The following DNAH8 variants were observed in gnomAD, a reference collection of about 807,000 sequenced individuals.
DNAH8 encodes axonemal beta dynein heavy chain 8.
In DNAH8, 382 loss-of-function variants were observed where a neutral mutation model predicts 562.1. That is an observed-to-expected ratio of 0.68 (90% confidence interval 0.63 to 0.74). The LOEUF (loss-of-function observed/expected upper bound fraction) is 0.74. Among genes scored for constraint, DNAH8 ranks in the 30% least tolerant of loss-of-function variants. DNAH8 has a pLI of 0.00. For missense variants in DNAH8, 5,203 were observed against 5,620.4 expected (o/e 0.93, Z 2.37); for synonymous variants, 1,881 against 1,919.4 (o/e 0.98, Z 0.52).
intron 82 of DNAH8, among the ~76,000 whole-genome samples, chr6:38,953,821 G>A (rs1762076203): frequency 6.6e-6 from 1 of 151,688 alleles, no homozygotes; most frequent in Non-Finnish European, 1.5e-5. Flanking sequence ...GAATGTGACT[G>A]GAAATCTTGA....
chr6:38,898,417 G>T, intron 61 of DNAH8, 37 bp downstream of exon 61: 1 of 1,483,634 alleles, frequency 6.7e-7, no homozygotes, highest in South Asian at 1.4e-5. Flanking sequence ...ATAAATAGAT[G>T]ATTTAAAAGC....
chr6:38,872,617 C>G lies in DNAH8; in HGVS notation c.7072C>G (p.Leu2358Val), dbSNP rs766688342. 6.2e-7 allele frequency: 1 copy of G among 1,614,052 alleles called. No homozygotes were observed. The highest frequency in any genetic ancestry group is 1.7e-5 in the Admixed American group (1 of 60,014). The change falls in exon 50 of 93, where the codon CTA (leucine) becomes GTA (valine). Residue 2358 changes from leucine (L) to valine (V), a missense_variant. Coordinates refer to ENST00000327475, the MANE Select transcript of DNAH8 (RefSeq NM_001206927.2). ...TGGAAAGACAACCGTTATCACGATT[C>G]TAATGAAGGCGCAAACAGAATGCGG... ...GSGKTTVITI[L>V]MKAQTECGRP...
At chr6:38,939,978 T>C (rs1783305525) in intron 79 of DNAH8, among the ~76,000 whole-genome samples, 1 of 152,138 alleles carries the variant, frequency 6.6e-6, no homozygotes, top group South Asian at 2.1e-4. Context: ...AAGGTGGATA[T>C]GGAGGCATAC....
rs75177549 is a variant in DNAH8, at chr6:38,720,110, C to T, written c.-34-2666C>T. On this transcript the variant is annotated intron_variant, in intron 1 of 92. Coordinates refer to ENST00000327475, the MANE Select transcript of DNAH8 (RefSeq NM_001206927.2). Reference sequence around the variant, plus strand: ...CTGGCACCAGGCAAATGGAAAATTTCTCCCAGTCTTACGGTTTCTCTAATG... The same window carrying T: ...CTGGCACCAGGCAAATGGAAAATTTTTCCCAGTCTTACGGTTTCTCTAATG... 7.1e-3 allele frequency among the ~76,000 whole-genome samples: 1,088 copies of T among 152,250 alleles called. 18 individuals carry two copies. Among genetic ancestry groups the T allele is most frequent in the South Asian group, 0.061 (294 of 4,814 alleles).
intron 91 of DNAH8, 135 bp downstream of exon 91, chr6:39,012,772 C>T (rs552915395): frequency 9.6e-5 from 61 of 637,960 alleles, no homozygotes; most frequent in South Asian, 3.3e-4. Flanking sequence ...CATTCAAAGG[C>T]GAAAGAACAC....
intron 1 of DNAH8, among the ~76,000 whole-genome samples, chr6:38,715,957 TATA>T (rs1315391947): frequency 0.029 from 847 of 29,032 alleles, 30 homozygotes; most frequent in Non-Finnish European, 0.046. Context: ...TATATATATA[TATA>T]TTTTTTTTTT....
intron 91 of DNAH8, among the ~76,000 whole-genome samples, chr6:39,017,982 T>G (rs1228372828): frequency 2.6e-5 from 4 of 152,200 alleles, no homozygotes; most frequent in African/African-American, 9.6e-5. Context: ...TCTAATCTAA[T>G]AGCAATTCTA....
chr6:38,895,687 C>T (rs1319286393), intron 59 of DNAH8, among the ~76,000 whole-genome samples: 3 of 152,120 alleles, frequency 2.0e-5, no homozygotes, highest in Non-Finnish European at 4.4e-5. Flanking sequence ...TCCTCTCTTC[C>T]CTCTGTTATA....
At chr6:38,960,774 A>C (rs1762556462) in intron 82 of DNAH8, among the ~76,000 whole-genome samples, 1 of 152,026 alleles carries the variant, frequency 6.6e-6, no homozygotes. Context: ...TACATATCCA[A>C]AAGAGGTGCA....
In DNAH8 at chr6:38,875,712, TAGAA is replaced by T; in HGVS notation, c.7745_7748del (p.Glu2582AlafsTer76). On this transcript the variant is annotated frameshift_variant, in exon 53 of 93. Coordinates refer to ENST00000327475, the MANE Select transcript of DNAH8 (RefSeq NM_001206927.2). LOFTEE classifies it high-confidence loss of function. ...TGGAGTTTAGGAGCCCTTCTGGAAT[TAGAA>T]AGCAGAGAAAAGCTTGAAGCCTTCT... The T allele has an allele frequency of 6.2e-7, 1 of 1,613,988 alleles. No homozygotes were observed. Among genetic ancestry groups the T allele is most frequent in the Non-Finnish European group, 8.5e-7 (1 of 1,179,934 alleles).
chr6:38,860,823 A>G (rs1350966847), intron 43 of DNAH8, among the ~76,000 whole-genome samples, 194 bp downstream of exon 43: 5 of 152,232 alleles, frequency 3.3e-5, no homozygotes, highest in Non-Finnish European at 5.9e-5. Flanking sequence ...GTAGAAAAAG[A>G]TAAAAGAATA....
At chr6:38,822,216 CT>C (rs35458703) in intron 26 of DNAH8, 74,999 of 151,846 alleles carry the variant, frequency 0.49, 19,487 homozygotes, top group East Asian at 0.69. Context: ...GTGGATCTGC[CT>C]AGTTTTCAAT....
intron 41 of DNAH8, 85 bp from the exon 42 acceptor site, chr6:38,857,433 A>T: frequency 4.8e-6 from 4 of 833,920 alleles, no homozygotes; most frequent in Non-Finnish European, 7.7e-6. Flanking sequence ...TTTAGTTTAA[A>T]ATGTGAATAA....
chr6:38,966,842 G>A (rs192710357), intron 82 of DNAH8, among the ~76,000 whole-genome samples: 5 of 152,290 alleles, frequency 3.3e-5, no homozygotes, highest in Non-Finnish European at 5.9e-5. Context: ...TCTGGAGGCT[G>A]AGAGTCCAAG....
At chr6:38,864,110 C>A in intron 45 of DNAH8, 50 bp downstream of exon 45, 1 of 1,542,104 alleles carries the variant, frequency 6.5e-7, no homozygotes, top group Non-Finnish European at 8.8e-7. Context: ...TTGTTACAGA[C>A]ATAAATAAAA....
At chr6:38,853,101 A>C in intron 40 of DNAH8, 85 bp from the exon 41 acceptor site, 2 of 1,001,336 alleles carry the variant, frequency 2.0e-6, no homozygotes, top group South Asian at 1.6e-5. Flanking sequence ...GGCATAGGGC[A>C]CTATGATTTA....
chr6:38,894,400 G>T (rs1022170377), intron 58 of DNAH8, among the ~76,000 whole-genome samples: 1 of 152,292 alleles, frequency 6.6e-6, no homozygotes, highest in Non-Finnish European at 1.5e-5. Flanking sequence ...TAGTCCTTAA[G>T]AATTCAGGGG....
rs2448401 is a variant in DNAH8 at position 38,761,682 on chromosome 6, T to A, written c.1516-20T>A. 1.6e-6 allele frequency: 2 copies of A among 1,256,898 alleles called. No homozygotes were observed. Among genetic ancestry groups the A allele is most frequent in the Admixed American group, 5.0e-5 (2 of 39,732 alleles). 77.9% of individuals were successfully genotyped at this position (1,256,898 alleles called of 1,614,324 possible). On this transcript the variant is annotated intron_variant, in intron 10 of 92. Coordinates refer to ENST00000327475, the MANE Select transcript of DNAH8 (RefSeq NM_001206927.2). ...TTTCTCTTTTTACATATAATTATTT[T>A]GTACCTATATTTATTTCAGGTAACA...
In DNAH8 at chr6:38,926,711, A is replaced by G. The variant is rs188473768; in HGVS notation, c.11118+501A>G. On this transcript the variant is annotated intron_variant, in intron 74 of 92. Transcript: ENST00000327475. Reference sequence around the variant, plus strand: ...CTATTGATATTTTAATTCAACTACCAATGTGGGATATTCAGTGTTTCCTAG... The same window carrying G: ...CTATTGATATTTTAATTCAACTACCGATGTGGGATATTCAGTGTTTCCTAG... Among the ~76,000 whole-genome samples, 438 of 152,244 alleles carry G rather than the reference A, an allele frequency of 2.9e-3. 4 individuals carry two copies. Among genetic ancestry groups the G allele is most frequent in the African/African-American group, 0.01 (426 of 41,544 alleles).
Sources: allele counts gnomAD v4.1 joint callset (sites outside exome capture counted in the v4.1 genomes callset), GRCh38; gene constraint gnomAD v4.1.1; transcripts MANE v1.5; gene names NCBI Gene and HGNC (gene_info 2026-07-23, HGNC 2026-07-21).